Variants in CIAPIN1 observed in about 807,000 individuals in gnomAD.
The protein encoded by CIAPIN1 is cytokine induced apoptosis inhibitor 1, also known as anamorsin.
Under a neutral mutation model 34.3 loss-of-function variants are expected in CIAPIN1, and 18 were observed. The observed-to-expected ratio is 0.52, with a 90% confidence interval of 0.36 to 0.78. CIAPIN1 has a LOEUF of 0.78. Ranked by LOEUF, CIAPIN1 falls within the 30% of genes least tolerant of loss-of-function variation. CIAPIN1 has a pLI of 0.00. For missense variants in CIAPIN1, 310 were observed against 372.5 expected (o/e 0.83, Z 1.38); for synonymous variants, 131 against 140.4 (o/e 0.93, Z 0.47).
Position 57,429,283 on chromosome 16 carries a change from G to T in CIAPIN1, c.829-3C>A, listed in dbSNP as rs768996059. On this transcript the variant is annotated splice_region_variant and splice_polypyrimidine_tract_variant and intron_variant, in intron 8 of 8. Coordinates refer to ENST00000394391, the MANE Select transcript of CIAPIN1 (RefSeq NM_020313.4). The stretch of plus-strand genomic sequence containing the variant: ...CGGAAGGCATCGCCCAGGTAGCACT[G>T]GAGAGAGAGAATGGGGAAGCCAAGG... The T allele has an allele frequency of 3.2e-5, 52 of 1,606,060 alleles. No individual in the cohort carries two copies. The highest frequency in any genetic ancestry group is 4.3e-5 in the Non-Finnish European group (51 of 1,172,790).
intron 4 of CIAPIN1, among the ~76,000 whole-genome samples, chr16:57,436,394 A>G (rs1467865734): frequency 6.6e-6 from 1 of 151,838 alleles, no homozygotes; most frequent in Non-Finnish European, 1.5e-5. Flanking sequence ...GGCCCGACTA[A>G]TTTTTTTGTA....
intron 3 of CIAPIN1, among the ~76,000 whole-genome samples, chr16:57,437,103 C>A (rs1903219692): frequency 1.3e-5 from 2 of 151,746 alleles, no homozygotes; most frequent in Non-Finnish European, 2.9e-5. Flanking sequence ...CTCTTGCCTG[C>A]ACAACAGAGT....
rs1449350348 is a variant in CIAPIN1, at chr16:57,428,549, A to G, written c.*621T>C. 1.3e-5 allele frequency: 2 copies of G among 152,336 alleles called. No homozygotes were observed. The highest frequency in any genetic ancestry group is 3.8e-4 in the East Asian group (2 of 5,206). 9.4% of individuals were successfully genotyped at this position (152,336 alleles called of 1,614,324 possible). ...TACAAGACATGCAGAATCTCAAGAT[A>G]TGTCAAGATATGCAGCAAGTTTAAT... On this transcript the variant is annotated 3_prime_UTR_variant, in exon 9 of 9. Transcript: ENST00000394391.
At position 57,429,045 on chromosome 16, in the gene CIAPIN1, A is replaced by AGC; in HGVS notation, c.*123_*124dup. ...CCAGCCAGCTTCACTCTGTCTGCTA[A>AGC]GCACCCACTCTGCAAACAGATCTCA... On this transcript the variant is annotated 3_prime_UTR_variant, in exon 9 of 9. Coordinates refer to ENST00000394391, the MANE Select transcript of CIAPIN1 (RefSeq NM_020313.4). 1 of 685,706 alleles carries AGC rather than the reference A, an allele frequency of 1.5e-6. No homozygotes were observed. The highest frequency in any genetic ancestry group is 1.7e-5 in the South Asian group (1 of 57,398). 42.5% of individuals were successfully genotyped at this position (685,706 alleles called of 1,614,324 possible).
intron 3 of CIAPIN1, among the ~76,000 whole-genome samples, chr16:57,437,873 GTTTT>G (rs1284118263): frequency 1.3e-5 from 2 of 151,988 alleles, no homozygotes; most frequent in Admixed American, 1.3e-4. Context: ...TGTTCGAAGT[GTTTT>G]TACCTAAGCT....
intron 6 of CIAPIN1, 81 bp downstream of exon 6, chr16:57,432,406 G>T: frequency 8.5e-7 from 1 of 1,180,200 alleles, no homozygotes; most frequent in Non-Finnish European, 1.2e-6. Flanking sequence ...ACACCTACAA[G>T]TCCAGAAAGG....
intron 1 of CIAPIN1, among the ~76,000 whole-genome samples, chr16:57,443,133 GTTT>G (rs59690029): frequency 3.8e-4 from 47 of 122,290 alleles, no homozygotes; most frequent in Non-Finnish European, 7.8e-4. Context: ...TTCTGGTTTT[GTTT>G]TTTTTTTTTT....
intron 2 of CIAPIN1, among the ~76,000 whole-genome samples, 160 bp from the exon 3 acceptor site, chr16:57,439,494 C>A (rs149105405): frequency 8.1e-4 from 124 of 152,266 alleles, no homozygotes; most frequent in African/African-American, 2.8e-3. Context: ...TTTAAAAAAA[C>A]ATGGAATAGC....
chr16:57,439,054 C>T (rs1903266752), intron 3 of CIAPIN1, 128 bp downstream of exon 3: 1 of 861,528 alleles, frequency 1.2e-6, no homozygotes. Context: ...AATAATTTAT[C>T]CCCAAGGAAA....
chr16:57,433,412 C>T (rs764427357), intron 5 of CIAPIN1, among the ~76,000 whole-genome samples: 1 of 152,148 alleles, frequency 6.6e-6, no homozygotes, highest in Non-Finnish European at 1.5e-5. Flanking sequence ...GTTAGACAGT[C>T]AAAACCGTAC....
chr16:57,436,419 G>A (rs1290402966), intron 4 of CIAPIN1, among the ~76,000 whole-genome samples: 1 of 151,942 alleles, frequency 6.6e-6, no homozygotes. Context: ...TAGTAGAGAC[G>A]GGGTTTCACT....
chr16:57,431,630 T>A (rs1195689843), intron 6 of CIAPIN1, among the ~76,000 whole-genome samples: 3 of 151,238 alleles, frequency 2.0e-5, no homozygotes, highest in African/African-American at 7.3e-5. Flanking sequence ...TTATGAAGAG[T>A]CACGTGAAAA....
At position 57,432,568 on chromosome 16, in the gene CIAPIN1, C is replaced by A; in HGVS notation, c.557-8G>T. 1 of 1,610,142 alleles carries A rather than the reference C, an allele frequency of 6.2e-7. No homozygotes were observed. Among genetic ancestry groups the A allele is most frequent in the East Asian group, 2.2e-5 (1 of 44,830 alleles). ...GGTCCACAGCAGGTTTCACTGAGTCCAAGCAATAAAAGAAAAAACTCCATA... is the reference window on the plus strand; with the variant it reads ...GGTCCACAGCAGGTTTCACTGAGTCAAAGCAATAAAAGAAAAAACTCCATA... On this transcript the variant is annotated splice_region_variant and splice_polypyrimidine_tract_variant and intron_variant, in intron 5 of 8. Transcript: ENST00000394391.
At chr16:57,434,680 TTA>T (rs1903161029) in intron 4 of CIAPIN1, among the ~76,000 whole-genome samples, 2 of 152,196 alleles carry the variant, frequency 1.3e-5, no homozygotes, top group African/African-American at 4.8e-5. Context: ...TGTCCAATAA[TTA>T]TAGACTGGTT....
chr16:57,430,528 G>A (rs1903063848), intron 7 of CIAPIN1, 189 bp from the exon 8 acceptor site: 2 of 604,646 alleles, frequency 3.3e-6, no homozygotes, highest in Admixed American at 2.8e-5. Context: ...GGAGGATGAG[G>A]GAAGTACCGT....
intron 1 of CIAPIN1, chr16:57,441,319 A>G (rs1181351060): frequency 6.5e-6 from 1 of 154,604 alleles, no homozygotes; most frequent in Non-Finnish European, 1.4e-5. Flanking sequence ...CAGGACATCA[A>G]TTAGGCAAAG....
rs1903277299 is a variant in CIAPIN1 at position 57,439,404 on chromosome 16, C to T, written c.158-70G>A. On this transcript the variant is annotated intron_variant, in intron 2 of 8. Transcript: ENST00000394391. The stretch of plus-strand genomic sequence containing the variant: ...TAATCTCCTGGTCCCTTCCAACCCC[C>T]AACAAAAGCTACAGACCTCACCCTG... 3 of 1,552,840 alleles carry T rather than the reference C, an allele frequency of 1.9e-6. No individual in the cohort carries two copies. In the African/African-American group the frequency reaches 4.1e-5, roughly 21 times the overall value.
chr16:57,442,437 G>T (rs562348303), intron 1 of CIAPIN1, among the ~76,000 whole-genome samples: 13 of 151,708 alleles, frequency 8.6e-5, no homozygotes, highest in Admixed American at 7.2e-4. Context: ...GAGGCAGGTG[G>T]ATCCCTTGAG....
Position 57,440,747 on chromosome 16 carries a change from A to G in CIAPIN1, c.157+25T>C, listed in dbSNP as rs1422069304. 2.5e-6 allele frequency: 4 copies of G among 1,593,068 alleles called. No homozygotes were observed. The Admixed American group carries it at 5.3e-5, about 21-fold the overall frequency. Reference sequence around the variant, plus strand: ...CCCATGGAAACCCCTCCAGCCTCATAAAGACAACGTGGGTGGGTACTTACA... The same window carrying G: ...CCCATGGAAACCCCTCCAGCCTCATGAAGACAACGTGGGTGGGTACTTACA... On this transcript the variant is annotated intron_variant, in intron 2 of 8. Transcript: ENST00000394391.
Sources: gnomAD v4.1 joint callset for allele counts (sites outside exome capture counted in the v4.1 genomes callset) on GRCh38, gnomAD v4.1.1 for gene constraint, MANE v1.5 for transcripts, NCBI Gene and HGNC (gene_info 2026-07-23, HGNC 2026-07-21) for gene names.